Variants in NHSL1 observed in about 807,000 individuals in gnomAD.
NHSL1 encodes the protein NHS like 1.
Under a neutral mutation model 95.0 loss-of-function variants are expected in NHSL1, and 48 were observed. The ratio of observed to expected loss-of-function variants is 0.51; its 90% confidence interval spans 0.40 to 0.64. The LOEUF is 0.64. NHSL1 is among the 30% of genes least tolerant of loss of function. NHSL1 has a pLI of 0.00. For missense variants in NHSL1, 1,971 were observed against 2,077.7 expected, an observed-to-expected ratio of 0.95 and a Z score of 1.00; for synonymous variants, 783 against 833.9, an observed-to-expected ratio of 0.94 and a Z score of 1.05.
At chr6:138,555,936 T>C (rs1783180926) in intron 1 of NHSL1, among the ~76,000 whole-genome samples, 2 of 152,094 alleles carry the variant, frequency 1.3e-5, no homozygotes, top group Admixed American at 6.6e-5. Context: ...TAACTCACTT[T>C]TCTGCATCCT....
chr6:138,648,874 T>G (rs150990343), intron 1 of NHSL1, among the ~76,000 whole-genome samples: 4 of 152,042 alleles, frequency 2.6e-5, no homozygotes, highest in African/African-American at 7.2e-5. Context: ...AGGCAATAGA[T>G]GAGTAGTAGA....
chr6:138,478,969 A>G (rs1779255445), intron 2 of NHSL1, among the ~76,000 whole-genome samples: 1 of 152,224 alleles, frequency 6.6e-6, no homozygotes, highest in Non-Finnish European at 1.5e-5. Flanking sequence ...TGACTCTCAC[A>G]TGAATTTATT....
At chr6:138,563,091 G>A (rs540588558) in intron 1 of NHSL1, among the ~76,000 whole-genome samples, 3 of 152,044 alleles carry the variant, frequency 2.0e-5, no homozygotes, top group Admixed American at 1.3e-4. Flanking sequence ...TCAGTTCCCT[G>A]CTTCCCCACA....
At chr6:138,453,668 T>C (rs995814452) in intron 3 of NHSL1, among the ~76,000 whole-genome samples, 1 of 151,898 alleles carries the variant, frequency 6.6e-6, no homozygotes, top group African/African-American at 2.4e-5. Context: ...CACCTCAGCC[T>C]CCCGAGTAAC....
intron 1 of NHSL1, among the ~76,000 whole-genome samples, chr6:138,580,765 G>A (rs556510825): frequency 6.6e-6 from 1 of 152,190 alleles, no homozygotes; most frequent in Non-Finnish European, 1.5e-5. Context: ...TATTAGCATG[G>A]GTGGAGGGAG....
At chr6:138,468,716 C>T (rs550344215) in intron 3 of NHSL1, among the ~76,000 whole-genome samples, 76 of 152,300 alleles carry the variant, frequency 5.0e-4, no homozygotes, top group Admixed American at 2.4e-3. Context: ...CTGGGCTATC[C>T]CATCTAGCCT....
At chr6:138,541,093 C>T (rs75784425) in intron 1 of NHSL1, among the ~76,000 whole-genome samples, 2,966 of 152,250 alleles carry the variant, frequency 0.019, 69 homozygotes, top group East Asian at 0.13. Context: ...TCAGGCCAGG[C>T]GTGGTGGCTC....
At position 138,429,713 on chromosome 6, in the gene NHSL1, G is replaced by A; in HGVS notation, c.4083C>T (p.His1361=). The A allele has an allele frequency of 6.4e-7, 1 of 1,550,476 alleles. No homozygotes were observed. The highest frequency in any genetic ancestry group is 8.7e-7 in the Non-Finnish European group (1 of 1,146,476). The change falls in exon 7 of 8, where the codon CAC becomes CAT. Residue 1361 remains histidine, a splice_region_variant and synonymous_variant. Coordinates refer to ENST00000343505, the MANE Select transcript of NHSL1 (RefSeq NM_001144060.2). ...TCAGAGGAAGGAGTTTGAAATACCT[G>A]TGAATAGCTGCAAAAAGGTCTTCTG... ...RTTEDLFAAI[H]RSKRKVLGRR...
In NHSL1 at chr6:138,424,726, A is replaced by G. The variant is rs977059358; in HGVS notation, c.4176T>C (p.Ala1392=). 21 of 1,551,508 alleles carry G rather than the reference A, an allele frequency of 1.4e-5. No individual in the cohort carries two copies. Among genetic ancestry groups the G allele is most frequent in the Non-Finnish European group, 1.7e-5 (20 of 1,146,936 alleles). ...GCTTTGGAGAGGCCAGGCTTGGGGC[A>G]GCGCCGGTGGGTGTCACGGGCGGGG... ...SPSPPVTPTG[A]APSLASPKQV... is the part of the protein sequence containing the mutation. The change falls in exon 8 of 8, where the codon GCT becomes GCC. Residue 1392 remains alanine, a synonymous_variant. Transcript: ENST00000343505. This position sits in a 1 kb window ranked among gnomAD's most constrained non-coding sequence, Gnocchi z 5.9.
At chr6:138,591,033 G>T (rs1049783224) in intron 1 of NHSL1, among the ~76,000 whole-genome samples, 2 of 152,042 alleles carry the variant, frequency 1.3e-5, no homozygotes, top group African/African-American at 4.8e-5. Context: ...CAATCCTCTG[G>T]GAATCGCCTC....
chr6:138,552,951 C>T (rs73560941), intron 1 of NHSL1, among the ~76,000 whole-genome samples: 5,061 of 152,258 alleles, frequency 0.033, 279 homozygotes, highest in African/African-American at 0.12. Context: ...AGACAGAGTA[C>T]TCCTTGGTAC....
chr6:138,667,458 A>C (rs1446398575), intron 1 of NHSL1, among the ~76,000 whole-genome samples: 1 of 152,240 alleles, frequency 6.6e-6, no homozygotes, highest in Admixed American at 6.5e-5. Flanking sequence ...ACTGCTGTTA[A>C]GCTGTATATA....
At chr6:138,643,866 C>T (rs1417807694) in intron 1 of NHSL1, among the ~76,000 whole-genome samples, 6 of 151,896 alleles carry the variant, frequency 4.0e-5, no homozygotes, top group Admixed American at 1.3e-4. Flanking sequence ...GGCATGGTGA[C>T]GGGTGCCTGT....
rs2128197770 is a variant in NHSL1 at position 138,431,377 on chromosome 6, G to C, written c.2968C>G (p.Leu990Val). ...CTCAGTGCAGGGCGGGGAGGAGAAA[G>C]GCACCAATCAGGTGGGGAGCAGAAA... ...IPFCSPPDWCLSPPRPALSPI... is the reference protein window; with the variant it reads ...IPFCSPPDWCVSPPRPALSPI... Residue 990 changes from leucine (L) to valine (V), a missense_variant, in exon 6 of 8, where the codon CTT (leucine) becomes GTT (valine). By Grantham distance (32) the Leu-to-Val change is conservative. Coordinates refer to ENST00000343505, the MANE Select transcript of NHSL1 (RefSeq NM_001144060.2). The surrounding 1 kb of genome is among the most constrained non-coding windows in gnomAD (Gnocchi z 4.0). 6.5e-7 allele frequency: 1 copy of C among 1,548,340 alleles called. No individual in the cohort carries two copies. Among genetic ancestry groups the C allele is most frequent in the East Asian group, 2.4e-5 (1 of 40,894 alleles).
chr6:138,432,118 T>C lies in NHSL1; in HGVS notation c.2227A>G (p.Ser743Gly). ...GCGGAAGTCATGCTGCTGCCAGCACTAACTGTGCTCTGGCTCCGGGAGCGG... is the reference window on the plus strand; with the variant it reads ...GCGGAAGTCATGCTGCTGCCAGCACCAACTGTGCTCTGGCTCCGGGAGCGG... ...LPRSRSQSTV[S>G]AGSSMTSATT... Residue 743 changes from serine (S) to glycine (G), a missense_variant, in exon 6 of 8, where the codon AGT becomes GGT. By Grantham distance (56) the Ser-to-Gly change is moderately conservative. Transcript: ENST00000343505. This position sits in a 1 kb window ranked among gnomAD's most constrained non-coding sequence, Gnocchi z 4.4. 1 of 1,550,838 alleles carries C rather than the reference T, an allele frequency of 6.4e-7. No individual in the cohort carries two copies. Among genetic ancestry groups the C allele is most frequent in the Non-Finnish European group, 8.7e-7 (1 of 1,146,408 alleles).
At chr6:138,504,349 C>A (rs373113324), upstream of NHSL1, among the ~76,000 whole-genome samples, 8 of 152,136 alleles carry the variant, frequency 5.3e-5, no homozygotes, top group African/African-American at 1.7e-4. Flanking sequence ...AGTTCACAGT[C>A]TAGTGGAAAA....
chr6:138,494,965 G>A (rs367836470), intron 2 of NHSL1, among the ~76,000 whole-genome samples: 14 of 152,240 alleles, frequency 9.2e-5, no homozygotes, highest in African/African-American at 2.6e-4. Flanking sequence ...AAATTGGGCC[G>A]GGTGCAGTGG....
chr6:138,479,462 T>C (rs1779284689), intron 2 of NHSL1, among the ~76,000 whole-genome samples: 1 of 152,160 alleles, frequency 6.6e-6, no homozygotes, highest in Non-Finnish European at 1.5e-5. Context: ...ATAACCAAGC[T>C]GGCTACAAAC....
chr6:138,476,651 A>C lies in NHSL1; in HGVS notation c.212-3218T>G, dbSNP rs113152005. On this transcript the variant is annotated intron_variant, in intron 2 of 7. Coordinates refer to ENST00000343505, the MANE Select transcript of NHSL1 (RefSeq NM_001144060.2). ...AGACCAGCCTGGCCAACACAGAAAA[A>C]CCCCCGTCTCTACTAAAAATACAAA... is the stretch of plus-strand genomic sequence containing the variant. Among the ~76,000 whole-genome samples the C allele has an allele frequency of 1.2e-4, 18 of 151,032 alleles. No individual in the cohort carries two copies. In the South Asian group the frequency reaches 3.8e-3, roughly 32 times the overall value.
Sources: allele counts gnomAD v4.1 joint callset (sites outside exome capture counted in the v4.1 genomes callset), GRCh38; gene constraint gnomAD v4.1.1; non-coding constraint Gnocchi (gnomAD v3.1); transcripts MANE v1.5; gene names NCBI Gene and HGNC (gene_info 2026-07-23, HGNC 2026-07-21).